The following DACH2 variants were observed in gnomAD, a reference collection of about 807,000 sequenced individuals.
DACH2 encodes the protein dachshund family transcription factor 2, also known as dachshund homolog 2.
Under a neutral mutation model 35.8 loss-of-function variants are expected in DACH2, and 17 were observed. That is an observed-to-expected ratio of 0.48 (90% CI 0.33 to 0.71). The LOEUF (loss-of-function observed/expected upper bound fraction) is 0.71. DACH2 is among the 30% of genes least tolerant of loss of function. The pLI, the probability that DACH2 is intolerant of heterozygous loss-of-function variation, is 0.02. For missense variants in DACH2, 469 were observed against 472.7 expected, an observed-to-expected ratio of 0.99 and a Z score of 0.07; for synonymous variants, 195 against 177.3, an observed-to-expected ratio of 1.10 and a Z score of -0.79.
intron 1 of DACH2, among the ~76,000 whole-genome samples, chrX:86,279,265 G>A: frequency 8.9e-6 from 1 of 111,945 alleles, no homozygotes; most frequent in Non-Finnish European, 1.9e-5. Flanking sequence ...CCTCCCAGCA[G>A]GGGGCACAGA....
At chrX:86,344,669 G>A (rs1341838694) in intron 1 of DACH2, among the ~76,000 whole-genome samples, 1 of 110,644 alleles carries the variant, frequency 9.0e-6, no homozygotes, top group Non-Finnish European at 1.9e-5. Context: ...TTCTAATCCT[G>A]CAGATAGATG....
intron 6 of DACH2, among the ~76,000 whole-genome samples, chrX:86,734,535 A>G (rs2041574541): frequency 9.0e-6 from 1 of 111,055 alleles, no homozygotes; most frequent in Non-Finnish European, 1.9e-5. Context: ...AAATTGCATA[A>G]TTTTTCCTTT....
intron 5 of DACH2, among the ~76,000 whole-genome samples, chrX:86,696,962 C>T (rs2041074668): frequency 9.0e-6 from 1 of 111,713 alleles, no homozygotes. Context: ...AGAGGGTAAA[C>T]TACTTGGTTT....
rs1286313799 is a variant in DACH2 at position 86,758,073 on chromosome X, A to G, written c.1240+18191A>G. Among the ~76,000 whole-genome samples the G allele has an allele frequency of 5.4e-5, 6 of 111,740 alleles. No homozygotes were observed. The Admixed American group carries it at 5.7e-4, about 11-fold the overall frequency. ...TAGTTGTTCTTAAGCATCTCTGATA[A>G]TATTTTATATTTCTACATTCTTAAT... is the stretch of plus-strand genomic sequence containing the variant. On this transcript the variant is annotated intron_variant, in intron 7 of 11. Transcript: ENST00000373125.
chrX:86,648,046 C>T (rs1268117879), intron 3 of DACH2, among the ~76,000 whole-genome samples: 1 of 101,456 alleles, frequency 9.9e-6, no homozygotes, highest in Non-Finnish European at 2.1e-5. Context: ...AGTAAATGCT[C>T]AGTTATCGGT....
intron 1 of DACH2, among the ~76,000 whole-genome samples, chrX:86,296,434 A>T (rs750978306): frequency 1.3e-3 from 140 of 109,219 alleles, no homozygotes; most frequent in Non-Finnish European, 2.0e-3. Flanking sequence ...TTAGTTCATG[A>T]CATATTTGAT....
At chrX:86,234,157 T>C (rs1420001946) in intron 1 of DACH2, among the ~76,000 whole-genome samples, 1 of 112,137 alleles carries the variant, frequency 8.9e-6, no homozygotes, top group Non-Finnish European at 1.9e-5. Flanking sequence ...GACATTGCAC[T>C]TTGAATGAAG....
chrX:86,688,479 A>C (rs1394490739), intron 4 of DACH2, among the ~76,000 whole-genome samples: 1 of 111,801 alleles, frequency 8.9e-6, no homozygotes, highest in Non-Finnish European at 1.9e-5. Flanking sequence ...TGGCCACTTA[A>C]GCACAGAGTG....
intron 1 of DACH2, among the ~76,000 whole-genome samples, chrX:86,295,122 G>A (rs1277623341): frequency 1.8e-5 from 2 of 112,760 alleles, no homozygotes; most frequent in East Asian, 2.8e-4. Context: ...ATAATCTGAT[G>A]CCCCGTTTTT....
At chrX:86,755,593 ATTTTTTT>A (rs35672351) in intron 7 of DACH2, among the ~76,000 whole-genome samples, 1 of 77,639 alleles carries the variant, frequency 1.3e-5, no homozygotes, top group Non-Finnish European at 2.5e-5. Flanking sequence ...TCTTGACCTA[ATTTTTTT>A]TTTTTTTTTT....
intron 3 of DACH2, among the ~76,000 whole-genome samples, chrX:86,646,089 T>G (rs1426036274): frequency 9.0e-6 from 1 of 111,546 alleles, no homozygotes; most frequent in Non-Finnish European, 1.9e-5. Context: ...GATTTACACA[T>G]ACAACATGGG....
chrX:86,682,716 A>G (rs904594902), intron 4 of DACH2, among the ~76,000 whole-genome samples: 1 of 111,831 alleles, frequency 8.9e-6, no homozygotes, highest in Admixed American at 9.5e-5. Context: ...GATCCATTCC[A>G]TACACTCATA....
intron 6 of DACH2, among the ~76,000 whole-genome samples, chrX:86,718,777 G>C (rs1381823430): frequency 9.0e-6 from 1 of 111,437 alleles, no homozygotes; most frequent in Non-Finnish European, 1.9e-5. Flanking sequence ...TGTCACAAAA[G>C]AGCTGGCTCT....
At chrX:86,788,067 A>G (rs1385417795) in intron 7 of DACH2, among the ~76,000 whole-genome samples, 1 of 110,937 alleles carries the variant, frequency 9.0e-6, no homozygotes, top group Non-Finnish European at 1.9e-5. Context: ...GGCTGTCTGC[A>G]TAGGTAGTGG....
chrX:86,486,830 G>A (rs1472117767), intron 2 of DACH2, among the ~76,000 whole-genome samples: 2 of 111,854 alleles, frequency 1.8e-5, no homozygotes, highest in African/African-American at 3.2e-5. Flanking sequence ...ACTATTTAGA[G>A]AATTAAGTTG....
At chrX:86,508,944 C>A (rs1437541254) in intron 2 of DACH2, among the ~76,000 whole-genome samples, 2 of 111,567 alleles carry the variant, frequency 1.8e-5, no homozygotes, top group African/African-American at 3.3e-5. Context: ...GAGAAAGAAG[C>A]ATCACCATTT....
chrX:86,804,392 C>A (rs2042323278), intron 7 of DACH2, among the ~76,000 whole-genome samples: 1 of 111,499 alleles, frequency 9.0e-6, no homozygotes, highest in Admixed American at 9.5e-5. Flanking sequence ...CCCAGTGATC[C>A]AATCACCTCC....
chrX:86,150,609 G>A (rs2030330840), intron 1 of DACH2, among the ~76,000 whole-genome samples: 2 of 111,643 alleles, frequency 1.8e-5, no homozygotes, highest in South Asian at 7.5e-4. Flanking sequence ...TTCATATTTA[G>A]GGCTTACAAA....
At chrX:86,775,448 G>A (rs1379944519) in intron 7 of DACH2, among the ~76,000 whole-genome samples, 2 of 111,374 alleles carry the variant, frequency 1.8e-5, no homozygotes, top group South Asian at 3.8e-4. Context: ...CTGCGCATGC[G>A]AGGGATCTAG....
Sources: allele counts gnomAD v4.1 joint callset (sites outside exome capture counted in the v4.1 genomes callset), GRCh38; gene constraint gnomAD v4.1.1; transcripts MANE v1.5; gene names NCBI Gene and HGNC (gene_info 2026-07-23, HGNC 2026-07-21).